Variants in SEL1L2 observed in about 807,000 individuals in gnomAD.
SEL1L2 encodes SEL1L2 adaptor subunit of SYVN1 ubiquitin ligase, also known as protein sel-1 homolog 2.
In SEL1L2, 89 loss-of-function variants were observed where a neutral mutation model predicts 98.8. The ratio of observed to expected loss-of-function variants is 0.90; its 90% CI spans 0.76 to 1.07. The LOEUF (loss-of-function observed/expected upper bound fraction) is 1.07, where lower values mean the gene tolerates loss of function less well. Among genes scored for constraint, SEL1L2 ranks in the 50% least tolerant of loss-of-function variants. The pLI is 0.00. For synonymous variants in SEL1L2, 262 were observed against 278.5 expected, an observed-to-expected ratio of 0.94 and a Z score of 0.59; for missense variants, 788 against 812.0, an observed-to-expected ratio of 0.97 and a Z score of 0.36.
intron 1 of SEL1L2, 124 bp from the exon 2 acceptor site, chr20:13,956,255 A>G: frequency 1.8e-6 from 1 of 560,316 alleles, no homozygotes; most frequent in Non-Finnish European, 3.1e-6. Flanking sequence ...AATTGTTGAC[A>G]ATAATTTATA....
Position 13,919,033 on chromosome 20 carries a change from T to A in SEL1L2, c.374A>T (p.Lys125Ile), listed in dbSNP as rs2048533545. ...GATAAAGACTTACTCTTCTTTTTGT[T>A]TTTGGCTTTTAGACTGCTGGAGAAC... is the stretch of plus-strand genomic sequence containing the variant. ...IKVLQQSKSQ[K>I]QKEEAYLLFA... Residue 125 changes from lysine to isoleucine, a missense_variant, in exon 4 of 20, where the codon AAA becomes ATA. Transcript: ENST00000284951. 6.2e-7 allele frequency: 1 copy of A among 1,610,930 alleles called. No individual in the cohort carries two copies. Among genetic ancestry groups the A allele is most frequent in the South Asian group, 1.1e-5 (1 of 90,476 alleles).
At chr20:13,861,877 T>G (rs994926619) in intron 17 of SEL1L2, among the ~76,000 whole-genome samples, 1 of 152,190 alleles carries the variant, frequency 6.6e-6, no homozygotes, top group African/African-American at 2.4e-5. Flanking sequence ...CTCGTCATTC[T>G]CAGAAGCGCC....
intron 5 of SEL1L2, among the ~76,000 whole-genome samples, chr20:13,902,390 A>G (rs1400490199): frequency 1.3e-5 from 2 of 152,252 alleles, no homozygotes; most frequent in Non-Finnish European, 2.9e-5. Context: ...TCAGTTTTCA[A>G]AATAATGTGA....
intron 1 of SEL1L2, among the ~76,000 whole-genome samples, chr20:13,972,021 C>G (rs1344812530): frequency 1.3e-5 from 2 of 152,048 alleles, no homozygotes; most frequent in Non-Finnish European, 2.9e-5. Context: ...ATTTTACTAT[C>G]TGGTTGAGCA....
chr20:13,990,673 C>T (rs2052505036), upstream of SEL1L2: 1 of 630,824 alleles, frequency 1.6e-6, no homozygotes, highest in Non-Finnish European at 2.7e-6. Context: ...GGCCAATGGG[C>T]TGCCAGAGTG....
upstream of SEL1L2, among the ~76,000 whole-genome samples, chr20:13,992,116 G>A: frequency 6.6e-6 from 1 of 152,182 alleles, no homozygotes; most frequent in Non-Finnish European, 1.5e-5. Context: ...GTCAGGGAAG[G>A]CTTTGCTAGG....
intron 2 of SEL1L2, among the ~76,000 whole-genome samples, chr20:13,948,678 A>C (rs934831373): frequency 6.6e-6 from 1 of 152,230 alleles, no homozygotes; most frequent in East Asian, 1.9e-4. Context: ...GAAAATTTTC[A>C]TGACATTGGA....
chr20:13,878,014 G>A (rs1255851185), intron 10 of SEL1L2, among the ~76,000 whole-genome samples: 1 of 152,182 alleles, frequency 6.6e-6, no homozygotes, highest in Non-Finnish European at 1.5e-5. Context: ...GCTAATGTTT[G>A]TAGGCAGAGT....
chr20:13,890,239 G>GT (rs1287196854), intron 5 of SEL1L2, among the ~76,000 whole-genome samples: 2 of 152,074 alleles, frequency 1.3e-5, no homozygotes, highest in East Asian at 1.9e-4. Context: ...CCAGTGACTG[G>GT]TTTTTTTCCT....
intron 1 of SEL1L2, among the ~76,000 whole-genome samples, chr20:13,983,499 C>A (rs1398082665): frequency 6.6e-6 from 1 of 151,664 alleles, no homozygotes; most frequent in Non-Finnish European, 1.5e-5. Context: ...TTAGCACTAG[C>A]TTTTGTTTTT....
intron 10 of SEL1L2, among the ~76,000 whole-genome samples, chr20:13,882,890 C>T (rs2046777362): frequency 7.0e-6 from 1 of 143,728 alleles, no homozygotes; most frequent in African/African-American, 2.6e-5. Context: ...GATCTCGGCT[C>T]ACTGCAAGCT....
intron 18 of SEL1L2, 29 bp downstream of exon 18, chr20:13,859,233 T>C: frequency 6.3e-7 from 1 of 1,594,652 alleles, no homozygotes; most frequent in Non-Finnish European, 8.6e-7. Flanking sequence ...CTGTCATTAC[T>C]AGGTTTGAAT....
intron 2 of SEL1L2, among the ~76,000 whole-genome samples, chr20:13,940,880 AC>A (rs1381310337): frequency 1.3e-5 from 2 of 152,094 alleles, no homozygotes; most frequent in Non-Finnish European, 2.9e-5. Flanking sequence ...AGCCTGGGTG[AC>A]AGAGCGAGAC....
At chr20:13,854,993 G>T (rs1051080714) in intron 18 of SEL1L2, among the ~76,000 whole-genome samples, 22 of 143,056 alleles carry the variant, frequency 1.5e-4, no homozygotes, top group African/African-American at 5.4e-4. Context: ...AGAGGTTGCA[G>T]TGACCGAAGA....
At chr20:13,890,454 A>C (rs1352325372) in intron 5 of SEL1L2, among the ~76,000 whole-genome samples, 2 of 152,182 alleles carry the variant, frequency 1.3e-5, no homozygotes, top group African/African-American at 4.8e-5. Flanking sequence ...CCCAGAGAAG[A>C]TGCATCCCCA....
chr20:13,899,928 CTT>C (rs960581385), intron 5 of SEL1L2, among the ~76,000 whole-genome samples: 1 of 152,044 alleles, frequency 6.6e-6, no homozygotes, highest in African/African-American at 2.4e-5. Context: ...ATTTAGAAAA[CTT>C]ATATTGGTGT....
intron 2 of SEL1L2, among the ~76,000 whole-genome samples, chr20:13,953,518 A>T (rs757643872): frequency 1.3e-5 from 2 of 152,184 alleles, no homozygotes; most frequent in Non-Finnish European, 2.9e-5. Context: ...AGAGGGGGGA[A>T]TGAGACAGCC....
intron 17 of SEL1L2, among the ~76,000 whole-genome samples, chr20:13,860,231 G>A (rs145124902): frequency 1.8e-3 from 269 of 152,166 alleles, no homozygotes; most frequent in African/African-American, 6.0e-3. Flanking sequence ...TTATCCTGTG[G>A]TGTCTCCTTC....
chr20:13,949,037 T>A (rs888473311), intron 2 of SEL1L2, among the ~76,000 whole-genome samples: 18 of 152,152 alleles, frequency 1.2e-4, no homozygotes, highest in African/African-American at 4.1e-4. Flanking sequence ...AAAATAAAAA[T>A]TGATAAATTA....
Sources: allele counts gnomAD v4.1 joint callset (sites outside exome capture counted in the v4.1 genomes callset), GRCh38; gene constraint gnomAD v4.1.1; transcripts MANE v1.5; gene names NCBI Gene and HGNC (gene_info 2026-07-23, HGNC 2026-07-21).